The following KLHL1 variants were observed in gnomAD, a reference collection of about 807,000 sequenced individuals.
KLHL1 encodes kelch like family member 1.
Under a neutral mutation model 77.7 loss-of-function variants are expected in KLHL1, and 47 were observed. The observed-to-expected ratio is 0.60, with a 90% CI of 0.48 to 0.77. KLHL1 has a LOEUF of 0.77. Among genes scored for constraint, KLHL1 ranks in the 30% least tolerant of loss-of-function variants. The pLI is 0.00. For synonymous variants in KLHL1, 360 were observed against 325.2 expected (o/e 1.11, Z -1.15); for missense variants, 925 against 910.8 (o/e 1.02, Z -0.20).
chr13:70,071,566 A>AT (rs1363644772), intron 1 of KLHL1, among the ~76,000 whole-genome samples: 4 of 152,042 alleles, frequency 2.6e-5, no homozygotes, highest in Admixed American at 1.3e-4. Context: ...GACACATCAC[A>AT]TTGCAGGCCA....
chr13:70,046,647 C>T (rs1004945584), intron 1 of KLHL1, among the ~76,000 whole-genome samples: 5 of 152,140 alleles, frequency 3.3e-5, no homozygotes, highest in African/African-American at 1.2e-4. Flanking sequence ...ACCACCATAC[C>T]TGGCTAATTT....
chr13:70,101,382 G>A (rs147631645), intron 1 of KLHL1, among the ~76,000 whole-genome samples: 2 of 151,976 alleles, frequency 1.3e-5, no homozygotes, highest in South Asian at 4.2e-4. Flanking sequence ...CTTACAAGTA[G>A]TTCTGGAGTT....
intron 1 of KLHL1, among the ~76,000 whole-genome samples, chr13:70,072,300 A>G (rs1887155151): frequency 6.6e-6 from 1 of 152,138 alleles, no homozygotes; most frequent in South Asian, 2.1e-4. Context: ...AAAACTAATA[A>G]CTTTCCAAAA....
At chr13:69,739,446 A>G (rs1160120453) in intron 8 of KLHL1, among the ~76,000 whole-genome samples, 1 of 152,328 alleles carries the variant, frequency 6.6e-6, no homozygotes, top group East Asian at 1.9e-4. Flanking sequence ...CAATTAAAAG[A>G]CACAGAATGG....
At chr13:69,731,281 C>T (rs557333043) in intron 8 of KLHL1, among the ~76,000 whole-genome samples, 21 of 152,214 alleles carry the variant, frequency 1.4e-4, no homozygotes, top group African/African-American at 5.1e-4. Context: ...GTAACTACTT[C>T]ATATAGAAAC....
intron 7 of KLHL1, among the ~76,000 whole-genome samples, chr13:69,795,723 A>T (rs954424935): frequency 6.6e-6 from 1 of 152,162 alleles, no homozygotes; most frequent in Non-Finnish European, 1.5e-5. Context: ...AAATCATGCA[A>T]ATAGAAAGTG....
chr13:69,920,360 CA>C (rs1275871058), intron 4 of KLHL1, among the ~76,000 whole-genome samples: 2 of 151,934 alleles, frequency 1.3e-5, no homozygotes, highest in African/African-American at 4.8e-5. Flanking sequence ...AGCATTAATC[CA>C]TTTGTGGTTC....
intron 7 of KLHL1, among the ~76,000 whole-genome samples, chr13:69,780,244 A>G (rs1876072975): frequency 6.6e-6 from 1 of 152,148 alleles, no homozygotes; most frequent in Admixed American, 6.6e-5. Flanking sequence ...TGCATCTCCA[A>G]CTTACCTCCT....
At chr13:69,765,240 C>T (rs1273091997) in intron 7 of KLHL1, among the ~76,000 whole-genome samples, 1 of 151,980 alleles carries the variant, frequency 6.6e-6, no homozygotes, top group Non-Finnish European at 1.5e-5. Context: ...GCATGAGCCA[C>T]CGCACCTGGC....
chr13:70,085,590 G>A (rs1887516201), intron 1 of KLHL1, among the ~76,000 whole-genome samples: 1 of 152,122 alleles, frequency 6.6e-6, no homozygotes, highest in Non-Finnish European at 1.5e-5. Context: ...TGGGCTGGGC[G>A]CAGTGGCTCG....
intron 3 of KLHL1, among the ~76,000 whole-genome samples, chr13:69,957,468 G>A (rs17085791): frequency 2.6e-5 from 4 of 151,408 alleles, no homozygotes; most frequent in Admixed American, 6.6e-5. Flanking sequence ...ATATGCATTC[G>A]CTATATTCCT....
At chr13:69,707,166 T>G (rs572672796) in intron 10 of KLHL1, among the ~76,000 whole-genome samples, 1 of 151,974 alleles carries the variant, frequency 6.6e-6, no homozygotes, top group Non-Finnish European at 1.5e-5. Flanking sequence ...ACTTGGACTT[T>G]CCAGCAGCAC....
At chr13:70,067,465 G>A (rs1887034943) in intron 1 of KLHL1, among the ~76,000 whole-genome samples, 1 of 152,116 alleles carries the variant, frequency 6.6e-6, no homozygotes, top group Non-Finnish European at 1.5e-5. Context: ...TAGGGACTTG[G>A]ACCTTGTATG....
At chr13:69,990,176 A>G (rs1318834188) in intron 1 of KLHL1, among the ~76,000 whole-genome samples, 2 of 152,040 alleles carry the variant, frequency 1.3e-5, no homozygotes, top group Non-Finnish European at 2.9e-5. Flanking sequence ...TCCTGAAAGC[A>G]GCACTAAAGA....
intron 7 of KLHL1, among the ~76,000 whole-genome samples, chr13:69,794,990 G>C (rs1877039814): frequency 6.6e-6 from 1 of 152,206 alleles, no homozygotes; most frequent in Non-Finnish European, 1.5e-5. Flanking sequence ...CATTGGAAGA[G>C]CAGCAATCTT....
At chr13:70,005,948 A>T (rs988224766) in intron 1 of KLHL1, among the ~76,000 whole-genome samples, 1 of 151,964 alleles carries the variant, frequency 6.6e-6, no homozygotes, top group South Asian at 2.1e-4. Flanking sequence ...TGTACTGCAG[A>T]TCTCTAGACC....
chr13:69,994,633 G>A (rs890636522), intron 1 of KLHL1, among the ~76,000 whole-genome samples: 3 of 151,992 alleles, frequency 2.0e-5, no homozygotes, highest in Non-Finnish European at 4.4e-5. Flanking sequence ...GTACCTATAG[G>A]AAAAGATTCA....
chr13:69,780,856 C>A (rs1181395418), intron 7 of KLHL1, among the ~76,000 whole-genome samples: 3 of 147,402 alleles, frequency 2.0e-5, no homozygotes, highest in African/African-American at 5.3e-5. Flanking sequence ...CATCACATTT[C>A]CCCCATGTGG....
At chr13:69,806,402 T>C (rs1408771833) in intron 6 of KLHL1, among the ~76,000 whole-genome samples, 1 of 152,138 alleles carries the variant, frequency 6.6e-6, no homozygotes, top group Non-Finnish European at 1.5e-5. Flanking sequence ...CCAAGTAGCA[T>C]GTACCTCCTC....
Sources: allele counts gnomAD v4.1 joint callset (sites outside exome capture counted in the v4.1 genomes callset), GRCh38; gene constraint gnomAD v4.1.1; transcripts MANE v1.5; gene names NCBI Gene and HGNC (gene_info 2026-07-23, HGNC 2026-07-21).